Variants in ZNF106 observed in about 807,000 individuals in gnomAD.
ZNF106 encodes SH3-domain binding protein 3.
ZNF106 carries 67 observed loss-of-function variants against 195.1 expected under a neutral mutation model. The ratio of observed to expected loss-of-function variants is 0.34; its 90% CI spans 0.28 to 0.42. The LOEUF (loss-of-function observed/expected upper bound fraction) is 0.42. Ranked by LOEUF, ZNF106 falls within the 10% of genes least tolerant of loss-of-function variation. The pLI is 1.00. For missense variants in ZNF106, 2,118 were observed against 2,304.5 expected (o/e 0.92, Z 1.66); for synonymous variants, 784 against 818.6 (o/e 0.96, Z 0.72).
At chr15:42,428,684 T>C (rs768594962) in intron 14 of ZNF106, among the ~76,000 whole-genome samples, 1 of 152,224 alleles carries the variant, frequency 6.6e-6, no homozygotes, top group African/African-American at 2.4e-5. Context: ...CAGTGGGCTC[T>C]AGAATCTGTG....
intron 1 of ZNF106, among the ~76,000 whole-genome samples, chr15:42,482,528 T>TG (rs1390959692): frequency 1.5e-5 from 2 of 136,694 alleles, no homozygotes; most frequent in Non-Finnish European, 1.6e-5. Context: ...TCCAGTTTTT[T>TG]TTTTTTTTTT....
Position 42,472,144 on chromosome 15 carries a change from CAT to C in ZNF106, c.54+90_54+91del, listed in dbSNP as rs145938731. 5,077 of 1,202,550 alleles carry C rather than the reference CAT, an allele frequency of 4.2e-3. 41 individuals carry two copies. The highest frequency in any genetic ancestry group is 0.02 in the Middle Eastern group (80 of 4,098). The allele number at this position is 1,202,550 out of a possible 1,614,324, so 74.5% of individuals were successfully genotyped here. A position where few individuals can be genotyped will look rare whatever the true frequency, so the allele number is the denominator to read the frequency against. ...TTGTCAAAGCTTTTCCTATTAATAACATATGTCTATTAATATTAATAACATCT... is the reference window on the plus strand; with the variant it reads ...TTGTCAAAGCTTTTCCTATTAATAACATGTCTATTAATATTAATAACATCT... On this transcript the variant is annotated intron_variant, in intron 2 of 21. Coordinates refer to ENST00000564754, the MANE Select transcript of ZNF106 (RefSeq NM_001366845.3).
At chr15:42,481,660 C>T (rs570735359) in intron 1 of ZNF106, among the ~76,000 whole-genome samples, 2 of 152,142 alleles carry the variant, frequency 1.3e-5, no homozygotes, top group Admixed American at 1.3e-4. Flanking sequence ...CACCCGGTCC[C>T]ATATTCTTTC....
intron 6 of ZNF106, among the ~76,000 whole-genome samples, chr15:42,447,555 G>A (rs1414476747): frequency 6.6e-6 from 1 of 152,084 alleles, no homozygotes; most frequent in African/African-American, 2.4e-5. Context: ...ACTCTTAAAG[G>A]CCAGGGTGGG....
intron 2 of ZNF106, among the ~76,000 whole-genome samples, chr15:42,468,068 C>CTTTTTTTTTT (rs200457966): frequency 2.0e-5 from 2 of 102,112 alleles, no homozygotes; most frequent in African/African-American, 4.1e-5. Flanking sequence ...TTCAAAACGC[C>CTTTTTTTTTT]TTTTTTTTTT....
chr15:42,422,087 A>G, intron 18 of ZNF106, 99 bp from the exon 19 acceptor site: 1 of 959,720 alleles, frequency 1.0e-6, no homozygotes, highest in Non-Finnish European at 1.5e-6. Context: ...ACCACACCTG[A>G]GGCGCCAAGT....
At chr15:42,429,214 G>A (rs540113184) in intron 14 of ZNF106, among the ~76,000 whole-genome samples, 2 of 151,480 alleles carry the variant, frequency 1.3e-5, no homozygotes, top group East Asian at 4.0e-4. Context: ...GCCGAGGCGG[G>A]TGAATCACGA....
At chr15:42,460,056 A>AAG (rs2056352911) in intron 3 of ZNF106, among the ~76,000 whole-genome samples, 1 of 151,504 alleles carries the variant, frequency 6.6e-6, no homozygotes. Context: ...AAAAAAAAAA[A>AAG]AGAAAATATT....
chr15:42,426,363 A>G (rs1429629564), intron 15 of ZNF106, among the ~76,000 whole-genome samples: 3 of 151,722 alleles, frequency 2.0e-5, no homozygotes, highest in African/African-American at 7.3e-5. Flanking sequence ...ATTTTGCCTC[A>G]AGATTGTCTT....
chr15:42,456,069 C>CA (rs1320499256), intron 4 of ZNF106, among the ~76,000 whole-genome samples: 8 of 151,848 alleles, frequency 5.3e-5, no homozygotes, highest in African/African-American at 1.7e-4. Context: ...TGACACTTAT[C>CA]AAAAAAAATT....
At chr15:42,442,660 A>G (rs2055598793) in intron 9 of ZNF106, among the ~76,000 whole-genome samples, 1 of 138,074 alleles carries the variant, frequency 7.2e-6, no homozygotes, top group Non-Finnish European at 1.5e-5. Flanking sequence ...TTTGTCACCC[A>G]GGCTGCAGTG....
At chr15:42,469,994 T>C (rs989730445) in intron 2 of ZNF106, among the ~76,000 whole-genome samples, 6 of 152,156 alleles carry the variant, frequency 3.9e-5, no homozygotes, top group African/African-American at 1.2e-4. Context: ...ATCAGTATTA[T>C]ATTTTTAAAG....
intron 1 of ZNF106, among the ~76,000 whole-genome samples, chr15:42,474,303 A>T (rs899235045): frequency 2.0e-5 from 3 of 152,214 alleles, no homozygotes; most frequent in African/African-American, 7.2e-5. Context: ...ATTCCGTGAG[A>T]AAAAGGACTT....
chr15:42,427,881 G>T, intron 15 of ZNF106, 137 bp downstream of exon 15: 1 of 663,918 alleles, frequency 1.5e-6, no homozygotes, highest in Non-Finnish European at 2.7e-6. Flanking sequence ...GAAGATAACT[G>T]TGTTTGAGTA....
intron 1 of ZNF106, among the ~76,000 whole-genome samples, chr15:42,480,990 T>TA (rs954137585): frequency 2.6e-5 from 4 of 151,724 alleles, no homozygotes; most frequent in South Asian, 2.1e-4. Flanking sequence ...TGTCTCAAAA[T>TA]AAAAAAAGTA....
intron 16 of ZNF106, chr15:42,424,573 T>C (rs2054785289): frequency 2.5e-6 from 1 of 396,250 alleles, no homozygotes; most frequent in South Asian, 4.0e-5. Flanking sequence ...GCAGCCTCGA[T>C]CTTTGGTGCT....
In ZNF106 at chr15:42,448,063, T is replaced by A. The variant is rs1349413753; in HGVS notation, c.3135+9A>T. ...ATGTTCTACAAAAAGCAGAGGGAAT[T>A]ATACTCACTCCAGTGGCTCTTCGTT... On this transcript the variant is annotated intron_variant, in intron 6 of 21. Transcript: ENST00000564754. 1 of 1,600,418 alleles carries A rather than the reference T, an allele frequency of 6.2e-7. No individual in the cohort carries two copies. Among genetic ancestry groups the A allele is most frequent in the East Asian group, 2.2e-5 (1 of 44,660 alleles).
In ZNF106 at chr15:42,451,345, G is replaced by C. The variant is rs1233412488; in HGVS notation, c.927C>G (p.Asp309Glu). 6.2e-7 allele frequency: 1 copy of C among 1,613,786 alleles called. No homozygotes were observed. The highest frequency in any genetic ancestry group is 1.1e-5 in the South Asian group (1 of 91,062). Reference protein sequence around the residue: ...DRYNWQRQENDKLGTVATYRG... With the variant: ...DRYNWQRQENEKLGTVATYRG... ...TATATGTGGCAACTGTACCAAGTTTGTCATTTTCTTGCCGCTGCCAATTAT... is the reference window on the plus strand; with the variant it reads ...TATATGTGGCAACTGTACCAAGTTTCTCATTTTCTTGCCGCTGCCAATTAT... The change falls in exon 5 of 22, where the codon GAC becomes GAG. Residue 309 changes from aspartate to glutamate, a missense_variant. Coordinates refer to ENST00000564754, the MANE Select transcript of ZNF106 (RefSeq NM_001366845.3).
intron 3 of ZNF106, among the ~76,000 whole-genome samples, chr15:42,457,907 CTTTGT>C (rs2056284558): frequency 6.6e-6 from 1 of 152,066 alleles, no homozygotes; most frequent in Non-Finnish European, 1.5e-5. Context: ...GACTTTTTTG[CTTTGT>C]TTTGTTTTTT....
Sources: gnomAD v4.1 joint callset for allele counts (sites outside exome capture counted in the v4.1 genomes callset) on GRCh38, gnomAD v4.1.1 for gene constraint, MANE v1.5 for transcripts, NCBI Gene and HGNC (gene_info 2026-07-23, HGNC 2026-07-21) for gene names.